TTLL13: variants seen among roughly 807,000 people sequenced by gnomAD.
The protein encoded by TTLL13 is tubulin polyglutamylase TTLL13.
At chr15:90,265,012 G>T in the TTLL13 span, 1 of 1,497,682 alleles carries the variant, frequency 6.7e-7, no homozygotes, top group Non-Finnish European at 8.9e-7. Context: ...ACCTCCCCAG[G>T]TTTCCAAAGG....
chr15:90,256,603 T>TTC, the TTLL13 span, among the ~76,000 whole-genome samples: 2 of 29,906 alleles, frequency 6.7e-5, no homozygotes, highest in African/African-American at 2.8e-4. Context: ...CTTTCTTTCT[T>TTC]TCTTTCCTTC....
chr15:90,255,834 T>C, the TTLL13 span: 316 of 1,614,152 alleles, frequency 2.0e-4, no homozygotes, highest in Non-Finnish European at 2.5e-4. Context: ...ATGTACAAAC[T>C]CTATCCCTCT....
chr15:90,258,349 C>G, the TTLL13 span: 4 of 1,259,984 alleles, frequency 3.2e-6, no homozygotes, highest in Non-Finnish European at 4.6e-6. Flanking sequence ...GGGGTACACT[C>G]AGGTGGTGGA....
At chr15:90,258,738 G>A in the TTLL13 span, 451 of 1,613,700 alleles carry the variant, frequency 2.8e-4, 1 homozygote, top group South Asian at 4.5e-3. Flanking sequence ...GACTCCTCCT[G>A]GCAGGTAAAC....
chr15:90,262,539 C>T, the TTLL13 span: 27 of 1,529,422 alleles, frequency 1.8e-5, no homozygotes, highest in African/African-American at 2.8e-5. Flanking sequence ...CAGGAGACCT[C>T]GGGCACTAAG....
the TTLL13 span, among the ~76,000 whole-genome samples, chr15:90,256,606 T>TTTCCTTCCTTCC: frequency 6.6e-5 from 2 of 30,510 alleles, no homozygotes; most frequent in South Asian, 1.6e-3. Context: ...TCTTTCTTTC[T>TTTCCTTCCTTCC]TTCCTTCCTT....
chr15:90,250,232 G>A, the TTLL13 span, among the ~76,000 whole-genome samples: 1 of 151,948 alleles, frequency 6.6e-6, no homozygotes, highest in South Asian at 2.1e-4. Context: ...GTGCTGGGCC[G>A]ATTCAGCTGT....
the TTLL13 span, among the ~76,000 whole-genome samples, chr15:90,250,360 G>T: frequency 6.6e-6 from 1 of 152,198 alleles, no homozygotes; most frequent in Non-Finnish European, 1.5e-5. Context: ...ACCCCTGTGC[G>T]TTGTATGATC....
At chr15:90,256,227 T>A in the TTLL13 span, 1 of 1,614,152 alleles carries the variant, frequency 6.2e-7, no homozygotes, top group Non-Finnish European at 8.5e-7. Context: ...GGACGTGGCA[T>A]CTTCATTACC....
the TTLL13 span, chr15:90,251,652 G>C: frequency 6.3e-7 from 1 of 1,586,282 alleles, no homozygotes; most frequent in South Asian, 1.1e-5. Flanking sequence ...TACAGCTGCT[G>C]TTCTTCCTCT....
the TTLL13 span, among the ~76,000 whole-genome samples, chr15:90,252,043 C>CTTTTTTTT: frequency 2.2e-5 from 3 of 133,474 alleles, no homozygotes; most frequent in Non-Finnish European, 1.6e-5. Flanking sequence ...TCACCTAATT[C>CTTTTTTTT]TTTTTTTTTT....
the TTLL13 span, chr15:90,259,081 G>A: frequency 6.9e-7 from 1 of 1,446,748 alleles, no homozygotes. Context: ...AAAATCACAG[G>A]ACCAGGCTTG....
At chr15:90,257,706 G>A in the TTLL13 span, 11 of 1,614,082 alleles carry the variant, frequency 6.8e-6, no homozygotes, top group East Asian at 6.7e-5. Context: ...CCGGGATGGC[G>A]CTGTGGGCAG....
At chr15:90,265,148 T>TTGGGGATCGGTAAAGACTAGAAGA in the TTLL13 span, 1 of 1,235,586 alleles carries the variant, frequency 8.1e-7, no homozygotes, top group Non-Finnish European at 1.1e-6. Flanking sequence ...CTAAGATTAA[T>TTGGGGATCGGTAAAGACTAGAAGA]TGGGGATCGG....
At chr15:90,258,472 G>T in the TTLL13 span, 4 of 628,614 alleles carry the variant, frequency 6.4e-6, no homozygotes, top group South Asian at 1.9e-5. Flanking sequence ...GGCCTCTACC[G>T]TAGGAATGCA....
chr15:90,253,164 G>A, the TTLL13 span: 61 of 1,088,292 alleles, frequency 5.6e-5, no homozygotes, highest in Non-Finnish European at 7.5e-5. Flanking sequence ...CGGGTCAGGT[G>A]TATACCTTAC....
the TTLL13 span, chr15:90,263,371 A>G: frequency 3.8e-6 from 2 of 520,378 alleles, no homozygotes; most frequent in Admixed American, 3.5e-5. Context: ...TGCAGCTCCA[A>G]ACCTTCTCAT....
the TTLL13 span, among the ~76,000 whole-genome samples, chr15:90,253,000 AAAAC>A: frequency 2.2e-4 from 34 of 152,260 alleles, no homozygotes; most frequent in East Asian, 1.9e-3. Context: ...CCGTCTCTAA[AAAAC>A]AAACAAACAA....
At chr15:90,256,853 A>G in the TTLL13 span, among the ~76,000 whole-genome samples, 1 of 150,862 alleles carries the variant, frequency 6.6e-6, no homozygotes, top group African/African-American at 2.4e-5. Flanking sequence ...ACGCCCAGTT[A>G]ACTTTTGTAT....
Sources: gnomAD v4.1 joint callset for allele counts (sites outside exome capture counted in the v4.1 genomes callset) on GRCh38, gnomAD v4.1.1 for gene constraint, MANE v1.5 for transcripts, NCBI Gene and HGNC (gene_info 2026-07-23, HGNC 2026-07-21) for gene names.